Variants in CDH13 observed in about 807,000 individuals in gnomAD.
CDH13 encodes cadherin-13.
CDH13 carries 24 observed loss-of-function variants against 63.8 expected under a neutral mutation model. The ratio of observed to expected loss-of-function variants is 0.38; its 90% CI spans 0.27 to 0.53. The LOEUF (loss-of-function observed/expected upper bound fraction) is 0.53, where lower values mean the gene tolerates loss of function less well. Ranked by LOEUF, CDH13 falls within the 20% of genes least tolerant of loss-of-function variation. The pLI is 0.85. For synonymous variants in CDH13, 503 were observed against 355.3 expected, an observed-to-expected ratio of 1.42 and a Z score of -4.67; for missense variants, 1,049 against 903.1, an observed-to-expected ratio of 1.16 and a Z score of -2.07.
At chr16:82,810,998 C>T (rs73606819) in intron 1 of CDH13, among the ~76,000 whole-genome samples, 2,392 of 152,214 alleles carry the variant, frequency 0.016, 50 homozygotes, top group African/African-American at 0.053. Context: ...GAAGCCTGGG[C>T]AGTCCATCTC....
intron 7 of CDH13, among the ~76,000 whole-genome samples, chr16:83,560,905 C>T (rs548963417): frequency 4.6e-5 from 7 of 152,110 alleles, no homozygotes; most frequent in Admixed American, 1.3e-4. Flanking sequence ...GTTGGCCCCC[C>T]CCCCGCCCCA....
intron 1 of CDH13, among the ~76,000 whole-genome samples, chr16:82,795,709 G>T (rs1396850567): frequency 6.6e-6 from 1 of 152,114 alleles, no homozygotes; most frequent in Non-Finnish European, 1.5e-5. Flanking sequence ...TATTGACCCA[G>T]TTCCTAATCC....
At chr16:83,229,248 A>T (rs2039935182) in intron 5 of CDH13, among the ~76,000 whole-genome samples, 1 of 152,204 alleles carries the variant, frequency 6.6e-6, no homozygotes, top group Non-Finnish European at 1.5e-5. Flanking sequence ...TAATTCAAAA[A>T]TGCATTCATT....
chr16:83,023,590 C>A (rs1415893146), intron 2 of CDH13, among the ~76,000 whole-genome samples: 1 of 152,122 alleles, frequency 6.6e-6, no homozygotes, highest in Non-Finnish European at 1.5e-5. Context: ...TTCTGAGCCA[C>A]CCAGGAAGTT....
intron 7 of CDH13, among the ~76,000 whole-genome samples, chr16:83,567,913 C>T (rs1342455659): frequency 6.6e-6 from 1 of 152,140 alleles, no homozygotes; most frequent in Non-Finnish European, 1.5e-5. Flanking sequence ...AGTTTTAACC[C>T]TGTAAATTCT....
chr16:83,415,159 A>G (rs2092181825), intron 6 of CDH13, among the ~76,000 whole-genome samples: 1 of 152,082 alleles, frequency 6.6e-6, no homozygotes, highest in East Asian at 1.9e-4. Context: ...AAAAATGAAA[A>G]AAAAACCTAG....
At chr16:82,636,893 C>T (rs1047849307) in intron 1 of CDH13, among the ~76,000 whole-genome samples, 1 of 152,162 alleles carries the variant, frequency 6.6e-6, no homozygotes, top group Admixed American at 6.5e-5. Context: ...CTCTTGCTAC[C>T]TGATACTAAC....
At chr16:83,395,355 C>G (rs2091867919) in intron 6 of CDH13, among the ~76,000 whole-genome samples, 1 of 151,834 alleles carries the variant, frequency 6.6e-6, no homozygotes, top group African/African-American at 2.4e-5. Flanking sequence ...CTCAAGGCTC[C>G]TAGTGATCAT....
chr16:83,322,565 C>A (rs1423541239), intron 5 of CDH13, among the ~76,000 whole-genome samples: 1 of 151,728 alleles, frequency 6.6e-6, no homozygotes, highest in Admixed American at 6.6e-5. Context: ...AATTGAGGTT[C>A]TTATGGGGGG....
chr16:83,186,668 G>A (rs2151750319), intron 4 of CDH13, among the ~76,000 whole-genome samples: 1 of 152,304 alleles, frequency 6.6e-6, no homozygotes, highest in Non-Finnish European at 1.5e-5. Context: ...ACTGGGTTAA[G>A]GAGTTACAAA....
intron 6 of CDH13, among the ~76,000 whole-genome samples, chr16:83,474,527 C>T (rs1008092433): frequency 7.9e-5 from 12 of 152,132 alleles, no homozygotes; most frequent in African/African-American, 2.9e-4. Context: ...TACCCCCAGG[C>T]CATGTTTGCT....
At chr16:83,054,598 T>G (rs2030730216) in intron 3 of CDH13, among the ~76,000 whole-genome samples, 1 of 152,188 alleles carries the variant, frequency 6.6e-6, no homozygotes, top group Non-Finnish European at 1.5e-5. Flanking sequence ...TTCTGAAGTT[T>G]TCCATGTAAT....
At chr16:83,125,644 A>C in intron 4 of CDH13, 143 bp downstream of exon 4, 1 of 544,264 alleles carries the variant, frequency 1.8e-6, no homozygotes, top group South Asian at 3.1e-5. Flanking sequence ...AGTCATGAAA[A>C]GAATGTTGGA....
chr16:83,588,397 A>G (rs1361253307), intron 7 of CDH13, among the ~76,000 whole-genome samples: 1 of 152,182 alleles, frequency 6.6e-6, no homozygotes, highest in Admixed American at 6.5e-5. Flanking sequence ...TTCATTGAAC[A>G]TTTACTGAGA....
At chr16:83,060,954 C>G (rs148823245) in intron 3 of CDH13, among the ~76,000 whole-genome samples, 1 of 152,158 alleles carries the variant, frequency 6.6e-6, no homozygotes, top group Non-Finnish European at 1.5e-5. Flanking sequence ...CAGGCTCTTC[C>G]CCTCAATGGC....
At chr16:83,379,518 A>G (rs1055777514) in intron 6 of CDH13, among the ~76,000 whole-genome samples, 1 of 152,204 alleles carries the variant, frequency 6.6e-6, no homozygotes, top group Admixed American at 6.5e-5. Flanking sequence ...AACCAGTTAT[A>G]TATTTACCTA....
At chr16:83,393,953 G>A (rs1172658775) in intron 6 of CDH13, among the ~76,000 whole-genome samples, 1 of 152,140 alleles carries the variant, frequency 6.6e-6, no homozygotes, top group Admixed American at 6.5e-5. Flanking sequence ...GCAGGAACAT[G>A]GATGGACCTG....
chr16:83,735,279 A>T (rs563743097), intron 10 of CDH13: 1 of 152,314 alleles, frequency 6.6e-6, no homozygotes, highest in African/African-American at 2.4e-5. Context: ...CATTTCCCAA[A>T]GGACCTCTCC....
At chr16:82,940,725 G>A (rs980679489) in intron 2 of CDH13, among the ~76,000 whole-genome samples, 1 of 152,090 alleles carries the variant, frequency 6.6e-6, no homozygotes, top group Admixed American at 6.5e-5. Flanking sequence ...GTGCTGTGTT[G>A]GCAGGCACAT....
Sources: allele counts gnomAD v4.1 joint callset (sites outside exome capture counted in the v4.1 genomes callset), GRCh38; gene constraint gnomAD v4.1.1; transcripts MANE v1.5; gene names NCBI Gene and HGNC (gene_info 2026-07-23, HGNC 2026-07-21).